Variants in MAP4K1 observed in about 807,000 individuals in gnomAD.
MAP4K1 encodes the protein mitogen-activated protein kinase kinase kinase kinase 1, also known as MAPK/ERK kinase kinase kinase 1.
A neutral mutation model predicts 122.8 loss-of-function variants in MAP4K1; 35 were observed. The observed-to-expected ratio is 0.29, with a 90% CI of 0.22 to 0.38. MAP4K1 has a LOEUF of 0.38. Among genes scored for constraint, MAP4K1 ranks in the 10% least tolerant of loss-of-function variants. The pLI is 1.00. For missense variants in MAP4K1, 791 were observed against 1,072.6 expected, an observed-to-expected ratio of 0.74 and a Z score of 3.67; for synonymous variants, 412 against 421.3, an observed-to-expected ratio of 0.98 and a Z score of 0.27.
chr19:38,590,381 AAAAAAAAAAAAAAATATATATATATAT>A (rs1159482595), intron 30 of MAP4K1, among the ~76,000 whole-genome samples: 8 of 44,742 alleles, frequency 1.8e-4, no homozygotes, highest in African/African-American at 8.5e-4. Flanking sequence ...CAGAAAAAAA[AAAAAAAAAAAAAAATATATATATATAT>A]ATATATATAT....
chr19:38,599,806 A>T, intron 22 of MAP4K1, 119 bp downstream of exon 22: 2 of 925,668 alleles, frequency 2.2e-6, no homozygotes, highest in Non-Finnish European at 3.5e-6. Context: ...ATTTGAACCT[A>T]GGACTTTGTG....
At chr19:38,596,277 A>G (rs1974876025) in intron 26 of MAP4K1, 35 bp downstream of exon 26, 3 of 1,511,268 alleles carry the variant, frequency 2.0e-6, no homozygotes, top group Non-Finnish European at 8.9e-7. Flanking sequence ...CGGATCTGAT[A>G]AGCCCCGCCC....
chr19:38,596,530 A>T, intron 25 of MAP4K1, 44 bp from the exon 26 acceptor site: 1 of 1,458,460 alleles, frequency 6.9e-7, no homozygotes, highest in Non-Finnish European at 9.1e-7. Context: ...GTGGTTCAGG[A>T]CGGGGCCTCA....
In MAP4K1 at chr19:38,590,384, AAAAAAAAAAAATATATATATATATAT is replaced by A. The variant is rs1473406467; in HGVS notation, c.2397-2593_2397-2568del. Among the ~76,000 whole-genome samples, 12 of 73,592 alleles carry A rather than the reference AAAAAAAAAAAATATATATATATATAT, an allele frequency of 1.6e-4. 1 individual carries two copies. The highest frequency in any genetic ancestry group is 5.9e-4 in the African/African-American group (9 of 15,324). 48.3% of individuals were successfully genotyped at this position (73,592 alleles called of 152,430 possible). On this transcript the variant is annotated intron_variant, in intron 30 of 30. Coordinates refer to ENST00000396857, the MANE Select transcript of MAP4K1 (RefSeq NM_001042600.3). ...ATGATCTTGGACCAGAAAAAAAAAA[AAAAAAAAAAAATATATATATATATAT>A]ATATATATATATATATATATATATA... is the stretch of plus-strand genomic sequence containing the variant.
At chr19:38,595,192 G>A (rs1399670696) in intron 29 of MAP4K1, among the ~76,000 whole-genome samples, 1 of 151,954 alleles carries the variant, frequency 6.6e-6, no homozygotes, top group Non-Finnish European at 1.5e-5. Flanking sequence ...GGGAGGCCGA[G>A]GCAGGAGAAT....
chr19:38,607,338 A>C (rs1975357376), intron 16 of MAP4K1, among the ~76,000 whole-genome samples: 1 of 151,932 alleles, frequency 6.6e-6, no homozygotes, highest in East Asian at 1.9e-4. Flanking sequence ...AGATGGGCGG[A>C]TCATGAGGTC....
Position 38,597,424 on chromosome 19 carries a change from G to A in MAP4K1, c.1779-40C>T. The A allele has an allele frequency of 6.2e-7, 1 of 1,613,230 alleles. No individual in the cohort carries two copies. The highest frequency in any genetic ancestry group is 8.5e-7 in the Non-Finnish European group (1 of 1,179,224). On this transcript the variant is annotated intron_variant, in intron 23 of 30. Transcript: ENST00000396857. This position sits in a 1 kb window ranked among gnomAD's most constrained non-coding sequence, Gnocchi z 4.6. ...GGTGTGAAGGGGGGTAGGACAGCAG[G>A]AGGCAGAGGGGCATGGGAGGAATTA...
chr19:38,617,317 CTGGGCTGGGTGCCAGGG>C lies in MAP4K1; in HGVS notation c.248+20_248+36del. Reference sequence around the variant, plus strand: ...AGAAATGGGGACTCCGGGTTAGGGGCTGGGCTGGGTGCCAGGGTGGGTCTGAGGTTCATCACCAGAGA... The same window carrying C: ...AGAAATGGGGACTCCGGGTTAGGGGCTGGGTCTGAGGTTCATCACCAGAGA... On this transcript the variant is annotated intron_variant, in intron 3 of 30. Coordinates refer to ENST00000396857, the MANE Select transcript of MAP4K1 (RefSeq NM_001042600.3). The surrounding 1 kb of genome is among the most constrained non-coding windows in gnomAD (Gnocchi z 4.1). 6.9e-7 allele frequency: 1 copy of C among 1,445,056 alleles called. No individual in the cohort carries two copies. Among genetic ancestry groups the C allele is most frequent in the Admixed American group, 1.7e-5 (1 of 59,830 alleles). The allele number at this position is 1,445,056 out of a possible 1,614,324, so 89.5% of individuals were successfully genotyped here.
At chr19:38,604,463 C>A (rs1975262825) in intron 19 of MAP4K1, among the ~76,000 whole-genome samples, 2 of 152,024 alleles carry the variant, frequency 1.3e-5, no homozygotes, top group Admixed American at 1.3e-4. Context: ...TAGCTGGGAC[C>A]ATAGGTGTGT....
At chr19:38,604,065 G>A (rs1359583361) in intron 19 of MAP4K1, among the ~76,000 whole-genome samples, 2 of 146,112 alleles carry the variant, frequency 1.4e-5, no homozygotes, top group Non-Finnish European at 3.0e-5. Context: ...GGTCAAGGCT[G>A]CAGTGAGCCA....
chr19:38,601,458 G>A lies in MAP4K1; in HGVS notation c.1514C>T (p.Thr505Ile). 6.2e-7 allele frequency: 1 copy of A among 1,609,112 alleles called. No individual in the cohort carries two copies. Among genetic ancestry groups the A allele is most frequent in the South Asian group, 1.1e-5 (1 of 89,844 alleles). The change falls in exon 20 of 31, where the codon ACA (threonine) becomes ATA (isoleucine). Residue 505 changes from threonine (T) to isoleucine (I), a missense_variant. Around this residue, in one of 4 missense-constraint regions of MAP4K1, gnomAD observed 58 missense variants for 118.7 expected, o/e 0.49. Transcript: ENST00000396857. The stretch of plus-strand genomic sequence containing the variant: ...ATGCCCACCCTTGGTGGAGGGATGT[G>A]TCCAGGCGGCCGTGCTGTGGATCCG... ...PLRIHSTAAW[T>I]HPSTKDQHLL...
In MAP4K1 at chr19:38,597,645, T is replaced by C. The variant is rs750617600; in HGVS notation, c.1670-51A>G. ...AAGCAGGAAGTTATAGGATCCCATATACCACTTCCTTTCCTCCATCCCTTC... is the reference window on the plus strand; with the variant it reads ...AAGCAGGAAGTTATAGGATCCCATACACCACTTCCTTTCCTCCATCCCTTC... On this transcript the variant is annotated intron_variant, in intron 22 of 30. Transcript: ENST00000396857. This position sits in a 1 kb window ranked among gnomAD's most constrained non-coding sequence, Gnocchi z 4.6. 8.0e-7 allele frequency: 1 copy of C among 1,248,148 alleles called. No individual in the cohort carries two copies. The highest frequency in any genetic ancestry group is 2.1e-5 in the Admixed American group (1 of 47,536). 77.3% of individuals were successfully genotyped at this position (1,248,148 alleles called of 1,614,324 possible).
At chr19:38,606,455 G>A (rs1185818319) in intron 16 of MAP4K1, among the ~76,000 whole-genome samples, 2 of 152,166 alleles carry the variant, frequency 1.3e-5, no homozygotes, top group African/African-American at 2.4e-5. Flanking sequence ...CCAGGAATTC[G>A]AGACTAGCCT....
intron 19 of MAP4K1, among the ~76,000 whole-genome samples, chr19:38,602,896 A>G (rs1490201718): frequency 6.7e-6 from 1 of 149,418 alleles, no homozygotes; most frequent in Non-Finnish European, 1.5e-5. Flanking sequence ...ATACACATGT[A>G]CATATATACA....
At chr19:38,598,928 G>A (rs1974971619) in intron 22 of MAP4K1, among the ~76,000 whole-genome samples, 1 of 147,658 alleles carries the variant, frequency 6.8e-6, no homozygotes, top group Non-Finnish European at 1.5e-5. Flanking sequence ...CAGGAGAATC[G>A]CTTGAACCTG....
At chr19:38,603,212 A>G (rs1258591747) in intron 19 of MAP4K1, among the ~76,000 whole-genome samples, 1 of 148,970 alleles carries the variant, frequency 6.7e-6, no homozygotes, top group African/African-American at 2.5e-5. Flanking sequence ...ACACATACAT[A>G]TATACACATA....
chr19:38,590,395 ATATATATATATATATATAT>A lies in MAP4K1; in HGVS notation c.2397-2597_2397-2579del, dbSNP rs1323431530. Among the ~76,000 whole-genome samples the A allele has an allele frequency of 7.6e-3, 149 of 19,482 alleles. 7 individuals carry two copies. Among genetic ancestry groups the A allele is most frequent in the African/African-American group, 0.036 (144 of 4,044 alleles). The allele number at this position is 19,482 out of a possible 152,430, so 12.8% of individuals were successfully genotyped here. On this transcript the variant is annotated intron_variant, in intron 30 of 30. Transcript: ENST00000396857. ...CCAGAAAAAAAAAAAAAAAAAAAAA[ATATATATATATATATATAT>A]ATATATATATATATATATATATAAT...
intron 22 of MAP4K1, among the ~76,000 whole-genome samples, chr19:38,598,740 A>G (rs1974963444): frequency 6.6e-6 from 1 of 152,184 alleles, no homozygotes; most frequent in African/African-American, 2.4e-5. Flanking sequence ...AGGGCTGGGC[A>G]CGGTGGCTTA....
intron 13 of MAP4K1, among the ~76,000 whole-genome samples, chr19:38,608,532 C>T (rs564704295): frequency 1.3e-5 from 2 of 152,200 alleles, no homozygotes; most frequent in African/African-American, 2.4e-5. Context: ...CACAGTGGCT[C>T]ACGCCTGTAA....
Sources: gnomAD v4.1 joint callset for allele counts (sites outside exome capture counted in the v4.1 genomes callset) on GRCh38, gnomAD v4.1.1 for gene constraint, gnomAD v4.1.1 regional missense constraint, Gnocchi (gnomAD v3.1) non-coding constraint, MANE v1.5 for transcripts, NCBI Gene and HGNC (gene_info 2026-07-23, HGNC 2026-07-21) for gene names.